Variants in PCBP3 observed in about 807,000 individuals in gnomAD.
The protein encoded by PCBP3 is poly(rC)-binding protein 3.
PCBP3 carries 25 observed loss-of-function variants against 52.7 expected under a neutral mutation model. The ratio of observed to expected loss-of-function variants is 0.47; its 90% CI spans 0.35 to 0.66. The LOEUF (loss-of-function observed/expected upper bound fraction) is 0.66. Among genes scored for constraint, PCBP3 ranks in the 30% least tolerant of loss-of-function variants. The probability of loss-of-function intolerance (pLI) is 0.01; values close to 1 mark genes in which losing one functional copy is unlikely to be tolerated. For missense variants in PCBP3, 391 were observed against 490.3 expected (o/e 0.80, Z 1.91); for synonymous variants, 162 against 183.0 (o/e 0.89, Z 0.93).
At chr21:45,918,956 C>T (rs944907835) in intron 13 of PCBP3, 8 of 153,436 alleles carry the variant, frequency 5.2e-5, no homozygotes, top group Non-Finnish European at 7.3e-5. Flanking sequence ...GATCATCCAT[C>T]GGAGGGGAAC....
intron 4 of PCBP3, among the ~76,000 whole-genome samples, chr21:45,814,115 C>G (rs115385619): frequency 6.6e-6 from 1 of 152,170 alleles, no homozygotes; most frequent in Non-Finnish European, 1.5e-5. Flanking sequence ...GAATACTGTA[C>G]GCAGTTGTGA....
chr21:45,933,930 G>A (rs1227359135), intron 15 of PCBP3, among the ~76,000 whole-genome samples: 1 of 152,158 alleles, frequency 6.6e-6, no homozygotes, highest in Non-Finnish European at 1.5e-5. Flanking sequence ...TGGTGGGGAG[G>A]AACAGGAGCT....
At chr21:45,666,143 AGAC>A (rs1443646493) in intron 1 of PCBP3, among the ~76,000 whole-genome samples, 1 of 152,224 alleles carries the variant, frequency 6.6e-6, no homozygotes, top group Non-Finnish European at 1.5e-5. Flanking sequence ...CATTTATGAA[AGAC>A]CCACAGCCAA....
intron 4 of PCBP3, among the ~76,000 whole-genome samples, chr21:45,778,109 T>C (rs562395383): frequency 1.3e-5 from 2 of 152,280 alleles, no homozygotes; most frequent in South Asian, 4.1e-4. Flanking sequence ...GAATCTGTCA[T>C]GTTGGTTGGG....
intron 5 of PCBP3, among the ~76,000 whole-genome samples, chr21:45,882,762 C>T (rs2095432147): frequency 6.6e-6 from 1 of 152,282 alleles, no homozygotes; most frequent in East Asian, 1.9e-4. Flanking sequence ...GTTTCCCCAA[C>T]ACCGTTTATT....
At chr21:45,876,850 CG>C in intron 5 of PCBP3, among the ~76,000 whole-genome samples, 1 of 152,352 alleles carries the variant, frequency 6.6e-6, no homozygotes, top group South Asian at 2.1e-4. Context: ...GCACAGCTAA[CG>C]GGGGTATGGC....
At chr21:45,647,840 G>A (rs1045934123) in intron 1 of PCBP3, among the ~76,000 whole-genome samples, 3 of 152,164 alleles carry the variant, frequency 2.0e-5, no homozygotes, top group Non-Finnish European at 2.9e-5. Context: ...CATGGCAGGG[G>A]AGTTAAGGCA....
chr21:45,899,585 T>C lies in PCBP3; in HGVS notation c.166-14T>C. ...CTATGACATCATCTTTCTGTGATTT[T>C]TTTTTTCTTGCAGGAAGTTGGAAGC... On this transcript the variant is annotated splice_polypyrimidine_tract_variant and intron_variant, in intron 6 of 17. Transcript: ENST00000681687. 6.2e-7 allele frequency: 1 copy of C among 1,608,086 alleles called. No individual in the cohort carries two copies. Among genetic ancestry groups the C allele is most frequent in the South Asian group, 1.1e-5 (1 of 90,908 alleles).
At chr21:45,888,624 G>A (rs572111095) in intron 5 of PCBP3, among the ~76,000 whole-genome samples, 8 of 152,352 alleles carry the variant, frequency 5.3e-5, no homozygotes, top group South Asian at 2.1e-4. Context: ...CTTTCCTCCC[G>A]CCAGCCTCCT....
At chr21:45,929,889 C>G in intron 13 of PCBP3, 28 bp from the exon 14 acceptor site, 1 of 1,573,778 alleles carries the variant, frequency 6.4e-7, no homozygotes, top group African/African-American at 1.3e-5. Context: ...CAATAACCTT[C>G]TTAGCTCTCG....
chr21:45,667,007 A>G (rs1603207941), intron 1 of PCBP3, among the ~76,000 whole-genome samples: 1 of 151,158 alleles, frequency 6.6e-6, no homozygotes, highest in East Asian at 1.9e-4. Context: ...TTCAATTATA[A>G]TCCTTTCATA....
At chr21:45,823,438 A>C (rs2093207449) in intron 4 of PCBP3, among the ~76,000 whole-genome samples, 1 of 152,158 alleles carries the variant, frequency 6.6e-6, no homozygotes, top group Admixed American at 6.5e-5. Flanking sequence ...GCAGCCATTT[A>C]ACCCCCTTGA....
At chr21:45,661,047 A>T (rs550770309) in intron 1 of PCBP3, among the ~76,000 whole-genome samples, 254 of 151,650 alleles carry the variant, frequency 1.7e-3, no homozygotes, top group East Asian at 8.1e-3. Flanking sequence ...TCTCAAAAAA[A>T]ATATATATAT....
intron 4 of PCBP3, among the ~76,000 whole-genome samples, chr21:45,776,322 G>T (rs985954906): frequency 1.5e-4 from 23 of 152,074 alleles, no homozygotes; most frequent in African/African-American, 5.3e-4. Context: ...GGTCTATTTG[G>T]TCTGAAGTCC....
rs2086462461 is a variant in PCBP3 at position 45,741,663 on chromosome 21, T to G, written c.-162+6234T>G. ...TAAAAACTGTGTATATTTATAGTTT[T>G]ATTAAAAATAAAAAATTTTAAAGGT... On this transcript the variant is annotated intron_variant, in intron 3 of 17. Coordinates refer to ENST00000681687, the MANE Select transcript of PCBP3 (RefSeq NM_001384156.1). The surrounding 1 kb of genome is among the most constrained non-coding windows in gnomAD (Gnocchi z 4.5). Among the ~76,000 whole-genome samples the G allele has an allele frequency of 6.6e-6, 1 of 152,182 alleles. No individual in the cohort carries two copies. The highest frequency in any genetic ancestry group is 6.5e-5 in the Admixed American group (1 of 15,284).
chr21:45,788,639 C>T lies in PCBP3; in HGVS notation c.-126+33187C>T, dbSNP rs1028847753. On this transcript the variant is annotated intron_variant, in intron 4 of 17. Transcript: ENST00000681687. The surrounding 1 kb of genome is among the most constrained non-coding windows in gnomAD (Gnocchi z 4.3). The stretch of plus-strand genomic sequence containing the variant: ...TTAACCCTGAACTGCACCCGACTCC[C>T]ATTGACCTCACTCACTGTGGGCCGC... The T allele has an allele frequency of 6.6e-6, 1 of 152,252 alleles. No homozygotes were observed. Among genetic ancestry groups the T allele is most frequent in the Non-Finnish European group, 1.5e-5 (1 of 68,082 alleles). The allele number at this position is 152,252 out of a possible 1,614,324, so 9.4% of individuals were successfully genotyped here.
At chr21:45,915,633 C>T (rs1172828731) in intron 12 of PCBP3, 1 of 152,266 alleles carries the variant, frequency 6.6e-6, no homozygotes, top group Non-Finnish European at 1.5e-5. Context: ...CACGCCCTCC[C>T]TACTGCAGCA....
chr21:45,910,474 C>A (rs2096365114), intron 10 of PCBP3, among the ~76,000 whole-genome samples: 1 of 152,204 alleles, frequency 6.6e-6, no homozygotes, highest in South Asian at 2.1e-4. Context: ...ACACGTTTGT[C>A]CCATTTCAAG....
At chr21:45,742,841 A>T (rs1259940383) in intron 3 of PCBP3, among the ~76,000 whole-genome samples, 1 of 152,314 alleles carries the variant, frequency 6.6e-6, no homozygotes, top group Non-Finnish European at 1.5e-5. Context: ...TAGTTTCACG[A>T]TATATTTCCA....
Sources: allele counts gnomAD v4.1 joint callset (sites outside exome capture counted in the v4.1 genomes callset), GRCh38; gene constraint gnomAD v4.1.1; non-coding constraint Gnocchi (gnomAD v3.1); transcripts MANE v1.5; gene names NCBI Gene and HGNC (gene_info 2026-07-23, HGNC 2026-07-21).